Variants in GFRAL observed in about 807,000 individuals in gnomAD.
The protein encoded by GFRAL is GDNF family receptor alpha-like.
A neutral mutation model predicts 45.4 loss-of-function variants in GFRAL; 36 were observed. The ratio of observed to expected loss-of-function variants is 0.79; its 90% CI spans 0.61 to 1.05. The LOEUF (loss-of-function observed/expected upper bound fraction) is 1.05. Among genes scored for constraint, GFRAL ranks in the 50% least tolerant of loss-of-function variants. The pLI, the probability that GFRAL is intolerant of heterozygous loss-of-function variation, is 0.00. For missense variants in GFRAL, 507 were observed against 467.5 expected (o/e 1.08, Z -0.78); for synonymous variants, 166 against 154.1 (o/e 1.08, Z -0.57).
intron 6 of GFRAL, among the ~76,000 whole-genome samples, chr6:55,368,863 T>C (rs1768405576): frequency 6.6e-6 from 1 of 152,210 alleles, no homozygotes; most frequent in East Asian, 1.9e-4. Context: ...GACAGGGACA[T>C]TTAAGTCTGC....
chr6:55,328,794 A>T (rs756899007), intron 1 of GFRAL, among the ~76,000 whole-genome samples: 38 of 152,018 alleles, frequency 2.5e-4, no homozygotes, highest in Non-Finnish European at 4.3e-4. Context: ...TGCATGAAGG[A>T]GGGAAATAAC....
At chr6:55,336,717 A>G (rs1562047949) in intron 3 of GFRAL, among the ~76,000 whole-genome samples, 1 of 151,882 alleles carries the variant, frequency 6.6e-6, no homozygotes, top group Non-Finnish European at 1.5e-5. Context: ...TCTTTCATTT[A>G]TTTTCCCTGC....
intron 3 of GFRAL, among the ~76,000 whole-genome samples, chr6:55,334,841 A>T (rs1366667622): frequency 6.6e-6 from 1 of 152,096 alleles, no homozygotes; most frequent in East Asian, 1.9e-4. Flanking sequence ...TACATTAGAG[A>T]TTCATTAATT....
rs1187893142 is a variant in GFRAL, at chr6:55,367,652, C to G, written c.952+8514C>G. ...GGCAGGCCTGGTGGTGACAAAATCTCTCAGCATTTGCTTGTCTGTAAAGTA... is the reference window on the plus strand; with the variant it reads ...GGCAGGCCTGGTGGTGACAAAATCTGTCAGCATTTGCTTGTCTGTAAAGTA... On this transcript the variant is annotated intron_variant, in intron 6 of 8. Coordinates refer to ENST00000340465, the MANE Select transcript of GFRAL (RefSeq NM_207410.2). 2.7e-5 allele frequency among the ~76,000 whole-genome samples: 4 copies of G among 150,526 alleles called. 1 individual carries two copies. Among genetic ancestry groups the G allele is most frequent in the Non-Finnish European group, 4.4e-5 (3 of 67,826 alleles).
intron 6 of GFRAL, among the ~76,000 whole-genome samples, chr6:55,374,165 C>G (rs919377883): frequency 2.6e-5 from 4 of 152,116 alleles, no homozygotes; most frequent in African/African-American, 9.7e-5. Flanking sequence ...GTTATTTAGG[C>G]TGATCCCATG....
intron 6 of GFRAL, among the ~76,000 whole-genome samples, chr6:55,398,007 A>G (rs11754751): frequency 0.043 from 6,540 of 152,308 alleles, 203 homozygotes; most frequent in African/African-American, 0.073. Flanking sequence ...TAACCTAAAA[A>G]CAAAGGCTAT....
Position 55,383,943 on chromosome 6 carries a change from A to T in GFRAL, c.953-15237A>T, listed in dbSNP as rs138080344. 7.9e-4 allele frequency among the ~76,000 whole-genome samples: 120 copies of T among 152,192 alleles called. 1 individual carries two copies. In the East Asian group the frequency reaches 0.02, roughly 25 times the overall value. ...CACTTACTTAAATCATAAACATAGC[A>T]TACACTACTGTTAACTCCATAAGGA... is the stretch of plus-strand genomic sequence containing the variant. On this transcript the variant is annotated intron_variant, in intron 6 of 8. Transcript: ENST00000340465.
chr6:55,390,943 TCTAA>T (rs1304184620), intron 6 of GFRAL, among the ~76,000 whole-genome samples: 2 of 147,764 alleles, frequency 1.4e-5, no homozygotes, highest in African/African-American at 5.1e-5. Flanking sequence ...CAAGTAGTGG[TCTAA>T]CTCACAGGGC....
chr6:55,383,829 T>G (rs754205905), intron 6 of GFRAL, among the ~76,000 whole-genome samples: 2 of 151,884 alleles, frequency 1.3e-5, no homozygotes, highest in Non-Finnish European at 1.5e-5. Flanking sequence ...GATGCTGAAA[T>G]TGCTTGTCCA....
rs906223087 is a variant in GFRAL at position 55,401,780 on chromosome 6, T to C, written c.1122-10T>C. On this transcript the variant is annotated splice_polypyrimidine_tract_variant and intron_variant, in intron 8 of 8. Transcript: ENST00000340465. Reference sequence around the variant, plus strand: ...GGCATGTTGTTAACTTTTACTTTTATTTTATACAGAACTTCCAGAATATCA... The same window carrying C: ...GGCATGTTGTTAACTTTTACTTTTACTTTATACAGAACTTCCAGAATATCA... The C allele has an allele frequency of 2.1e-6, 3 of 1,438,710 alleles. No individual in the cohort carries two copies. Among genetic ancestry groups the C allele is most frequent in the Non-Finnish European group, 2.0e-6 (2 of 1,020,054 alleles). The allele number at this position is 1,438,710 out of a possible 1,614,324, so 89.1% of individuals were successfully genotyped here. A position where few individuals can be genotyped will look rare whatever the true frequency, so the allele number is the denominator to read the frequency against.
chr6:55,336,822 T>C lies in GFRAL; in HGVS notation c.316+2878T>C, dbSNP rs372324699. On this transcript the variant is annotated intron_variant, in intron 3 of 8. Transcript: ENST00000340465. ...CCTGTCTTAGGAGAAAGGCATTCAG[T>C]TTTGTACCATAAAGAGTGTGTGTGT... Among the ~76,000 whole-genome samples the C allele has an allele frequency of 1.8e-4, 27 of 152,222 alleles. No individual in the cohort carries two copies. The East Asian group carries it at 5.0e-3, about 28-fold the overall frequency.
intron 2 of GFRAL, 29 bp from the exon 3 acceptor site, chr6:55,333,757 A>G: frequency 1.4e-6 from 2 of 1,475,212 alleles, no homozygotes; most frequent in Non-Finnish European, 1.8e-6. Flanking sequence ...TCAGATTAAT[A>G]TCTATAGTGT....
intron 8 of GFRAL, among the ~76,000 whole-genome samples, chr6:55,399,919 T>G (rs1368155674): frequency 6.6e-6 from 1 of 152,170 alleles, no homozygotes; most frequent in Non-Finnish European, 1.5e-5. Flanking sequence ...AAAAGACATT[T>G]CATAAAGCCT....
chr6:55,358,548 T>C (rs1294390168), intron 5 of GFRAL, among the ~76,000 whole-genome samples: 1 of 151,978 alleles, frequency 6.6e-6, no homozygotes, highest in Admixed American at 6.6e-5. Context: ...CACAAAACTA[T>C]ATTTGGAATA....
intron 3 of GFRAL, among the ~76,000 whole-genome samples, chr6:55,341,363 A>AGCAATATTTGCTGTTCT (rs908635239): frequency 7.2e-5 from 11 of 152,310 alleles, no homozygotes; most frequent in African/African-American, 2.6e-4. Flanking sequence ...TTTGCTGTTC[A>AGCAATATTTGCTGTTCT]GCAATATTTG....
At chr6:55,378,343 A>C (rs1768562100) in intron 6 of GFRAL, among the ~76,000 whole-genome samples, 1 of 152,058 alleles carries the variant, frequency 6.6e-6, no homozygotes, top group Admixed American at 6.6e-5. Flanking sequence ...TTTCAAGTAG[A>C]AAGGTTACGG....
intron 3 of GFRAL, among the ~76,000 whole-genome samples, chr6:55,341,857 C>G (rs1005197882): frequency 6.6e-6 from 1 of 151,960 alleles, no homozygotes; most frequent in African/African-American, 2.4e-5. Flanking sequence ...AACCATGGCA[C>G]GAGAACTACA....
chr6:55,336,655 A>C (rs1446494046), intron 3 of GFRAL, among the ~76,000 whole-genome samples: 1 of 152,222 alleles, frequency 6.6e-6, no homozygotes, highest in Non-Finnish European at 1.5e-5. Flanking sequence ...ATTCTAAATA[A>C]ATATTCTTGT....
At chr6:55,357,014 T>A (rs891537055) in intron 5 of GFRAL, among the ~76,000 whole-genome samples, 1 of 151,938 alleles carries the variant, frequency 6.6e-6, no homozygotes, top group African/African-American at 2.4e-5. Context: ...AAGTTCCTCT[T>A]GTCATTGATT....
Sources: allele counts gnomAD v4.1 joint callset (sites outside exome capture counted in the v4.1 genomes callset), GRCh38; gene constraint gnomAD v4.1.1; transcripts MANE v1.5; gene names NCBI Gene and HGNC (gene_info 2026-07-23, HGNC 2026-07-21).